FRMD4B: variants seen among roughly 807,000 people sequenced by gnomAD.
The protein encoded by FRMD4B is FERM domain containing 4B.
Under a neutral mutation model 141.5 loss-of-function variants are expected in FRMD4B, and 74 were observed. The observed-to-expected ratio is 0.52, with a 90% CI of 0.43 to 0.63. FRMD4B has a LOEUF of 0.63. Among genes scored for constraint, FRMD4B ranks in the 30% least tolerant of loss-of-function variants. The probability of loss-of-function intolerance (pLI) is 0.00; values close to 1 mark genes in which losing one functional copy is unlikely to be tolerated. For synonymous variants in FRMD4B, 506 were observed against 467.9 expected (o/e 1.08, Z -1.05); for missense variants, 1,366 against 1,253.4 (o/e 1.09, Z -1.36).
intron 2 of FRMD4B, among the ~76,000 whole-genome samples, chr3:69,425,641 C>A (rs1705064522): frequency 6.6e-6 from 1 of 152,228 alleles, no homozygotes; most frequent in East Asian, 1.9e-4. Flanking sequence ...ATAGTTCCAT[C>A]TTGATGCCAG....
chr3:69,326,966 T>TA (rs1042470115), intron 1 of FRMD4B, among the ~76,000 whole-genome samples: 29 of 149,036 alleles, frequency 1.9e-4, no homozygotes, highest in East Asian at 5.9e-4. Context: ...GAGTCAAAAA[T>TA]AAAAAAACAA....
chr3:69,333,357 A>C (rs182387404), intron 1 of FRMD4B, among the ~76,000 whole-genome samples: 1 of 152,354 alleles, frequency 6.6e-6, no homozygotes, highest in East Asian at 1.9e-4. Flanking sequence ...AAACAAGAAA[A>C]GGGAATCCCG....
chr3:69,485,188 C>T (rs1706194525), intron 1 of FRMD4B, among the ~76,000 whole-genome samples: 1 of 152,236 alleles, frequency 6.6e-6, no homozygotes, highest in South Asian at 2.1e-4. Flanking sequence ...TGGGTGCACA[C>T]ACCCGGCTGG....
At chr3:69,511,481 A>G (rs1375342953) in intron 1 of FRMD4B, among the ~76,000 whole-genome samples, 1 of 152,156 alleles carries the variant, frequency 6.6e-6, no homozygotes, top group African/African-American at 2.4e-5. Context: ...TGCATGTATA[A>G]TTAAAAACAC....
chr3:69,413,517 G>T (rs893613426), intron 2 of FRMD4B, among the ~76,000 whole-genome samples: 2 of 152,124 alleles, frequency 1.3e-5, no homozygotes, highest in Admixed American at 6.5e-5. Flanking sequence ...CCACTATAGT[G>T]CCTCTCTCAG....
intron 1 of FRMD4B, among the ~76,000 whole-genome samples, chr3:69,448,149 C>T (rs778101256): frequency 6.6e-6 from 1 of 152,008 alleles, no homozygotes; most frequent in Non-Finnish European, 1.5e-5. Context: ...CGTGGCTCAG[C>T]CTCCCAAGTA....
intron 5 of FRMD4B, among the ~76,000 whole-genome samples, chr3:69,279,018 C>T (rs1284052191): frequency 6.6e-6 from 1 of 151,812 alleles, no homozygotes; most frequent in East Asian, 1.9e-4. Context: ...TCATCAGACA[C>T]ATTACCTTTA....
intron 1 of FRMD4B, among the ~76,000 whole-genome samples, chr3:69,331,798 A>G (rs2107333829): frequency 6.6e-6 from 1 of 152,292 alleles, no homozygotes; most frequent in African/African-American, 2.4e-5. Context: ...CTAACAAACA[A>G]CAAGTAATTG....
At chr3:69,250,889 A>C (rs902755114) in intron 5 of FRMD4B, among the ~76,000 whole-genome samples, 2 of 151,980 alleles carry the variant, frequency 1.3e-5, no homozygotes, top group African/African-American at 4.8e-5. Flanking sequence ...GGAGTTTGAG[A>C]CCAGCTTGGG....
chr3:69,385,216 A>C (rs1389863770), intron 1 of FRMD4B, among the ~76,000 whole-genome samples: 1 of 152,094 alleles, frequency 6.6e-6, no homozygotes, highest in Non-Finnish European at 1.5e-5. Context: ...AGTAAATCCT[A>C]ACATGAGCAT....
At chr3:69,256,531 G>A (rs926400998) in intron 5 of FRMD4B, among the ~76,000 whole-genome samples, 4 of 152,150 alleles carry the variant, frequency 2.6e-5, no homozygotes, top group Non-Finnish European at 5.9e-5. Flanking sequence ...TGTTGGCCAG[G>A]CTGGTCTCGA....
At chr3:69,224,890 T>C (rs1021743613) in intron 7 of FRMD4B, among the ~76,000 whole-genome samples, 200 bp from the exon 8 acceptor site, 3 of 82,350 alleles carry the variant, frequency 3.6e-5, no homozygotes, top group Non-Finnish European at 1.0e-4. Flanking sequence ...GTTTATAATA[T>C]TTTCTGCACA....
intron 21 of FRMD4B, among the ~76,000 whole-genome samples, chr3:69,177,392 G>A (rs1333813491): frequency 6.6e-6 from 1 of 152,144 alleles, no homozygotes; most frequent in African/African-American, 2.4e-5. Flanking sequence ...GCACAAGCCT[G>A]TAATCCCAAC....
At chr3:69,194,912 G>A (rs2092883609) in intron 16 of FRMD4B, 110 bp downstream of exon 16, 2 of 950,530 alleles carry the variant, frequency 2.1e-6, no homozygotes, top group Admixed American at 4.6e-5. Context: ...CATCTGTACT[G>A]GTGAGATAAC....
intron 22 of FRMD4B, among the ~76,000 whole-genome samples, chr3:69,175,307 T>A (rs762759756): frequency 3.1e-4 from 47 of 152,338 alleles, no homozygotes; most frequent in South Asian, 4.1e-4. Context: ...TTATCTTTTG[T>A]GGGAAAGTAA....
At chr3:69,292,815 C>CTTTT (rs35818040) in intron 4 of FRMD4B, among the ~76,000 whole-genome samples, 1,923 of 120,870 alleles carry the variant, frequency 0.016, 64 homozygotes, top group East Asian at 0.027. Context: ...TTTTTTCAGC[C>CTTTT]TTTTTTTTTT....
chr3:69,226,302 G>C (rs1469052506), intron 7 of FRMD4B, among the ~76,000 whole-genome samples: 3 of 152,058 alleles, frequency 2.0e-5, no homozygotes, highest in African/African-American at 7.2e-5. Context: ...ACTGGTTTGT[G>C]CTTCCTGAAA....
intron 19 of FRMD4B, among the ~76,000 whole-genome samples, chr3:69,187,548 AAAAAAT>A (rs2092782109): frequency 7.0e-6 from 1 of 142,244 alleles, no homozygotes; most frequent in Non-Finnish European, 1.5e-5. Context: ...CTCAAAAAAA[AAAAAAT>A]ATATATATAT....
intron 1 of FRMD4B, chr3:69,472,450 G>A: frequency 2.2e-6 from 1 of 449,648 alleles, no homozygotes; most frequent in South Asian, 1.8e-5. Context: ...AGGCCAAACG[G>A]AAGACCAGCC....
Sources: allele counts gnomAD v4.1 joint callset (sites outside exome capture counted in the v4.1 genomes callset), GRCh38; gene constraint gnomAD v4.1.1; transcripts MANE v1.5; gene names NCBI Gene and HGNC (gene_info 2026-07-23, HGNC 2026-07-21).